Variants in GPA33 observed in about 807,000 individuals in gnomAD.
GPA33 encodes cell surface A33 antigen.
GPA33 carries 27 observed loss-of-function variants against 35.6 expected under a neutral mutation model. That is an observed-to-expected ratio of 0.76 (90% CI 0.56 to 1.04). The LOEUF is 1.04. Ranked by LOEUF, GPA33 falls within the 50% of genes least tolerant of loss-of-function variation. GPA33 has a pLI of 0.00. For missense variants in GPA33, 428 were observed against 411.9 expected (o/e 1.04, Z -0.34); for synonymous variants, 176 against 164.0 (o/e 1.07, Z -0.56).
At chr1:167,061,338 G>T (rs1666434829) in intron 4 of GPA33, among the ~76,000 whole-genome samples, 1 of 152,186 alleles carries the variant, frequency 6.6e-6, no homozygotes, top group African/African-American at 2.4e-5. Flanking sequence ...TTGCAGGAAA[G>T]AAGATCAGAC....
rs764107680 is a variant in GPA33 at position 167,073,512 on chromosome 1, A to G, written c.71T>C (p.Val24Ala). The G allele has an allele frequency of 3.7e-6, 6 of 1,613,832 alleles. No individual in the cohort carries two copies. The highest frequency in any genetic ancestry group is 1.7e-4 in the Middle Eastern group (1 of 6,060). The change falls in exon 2 of 7, where the codon GTG (valine) becomes GCG (alanine). Residue 24 changes from valine to alanine, a missense_variant. Coordinates refer to ENST00000367868, the MANE Select transcript of GPA33 (RefSeq NM_005814.3). Reference protein sequence around the residue: ...AVRVTVDAISVETPQDVLRAS... With the variant: ...AVRVTVDAISAETPQDVLRAS... ...CCGAAGAACGTCCTGCGGAGTTTCC[A>G]CAGAGATGGCATCGACGGTCACCCT... is the stretch of plus-strand genomic sequence containing the variant.
intron 3 of GPA33, among the ~76,000 whole-genome samples, chr1:167,064,310 A>C (rs543319188): frequency 8.4e-6 from 1 of 119,710 alleles, no homozygotes; most frequent in Admixed American, 9.3e-5. Flanking sequence ...AGAAAAAAAG[A>C]AAAAGAAAGA....
intron 1 of GPA33, chr1:167,082,342 A>C (rs1015844852): frequency 1.3e-5 from 6 of 455,430 alleles, no homozygotes; most frequent in African/African-American, 2.0e-5. Flanking sequence ...TCTTTTAACA[A>C]TAAAGCCAAC....
intron 1 of GPA33, among the ~76,000 whole-genome samples, chr1:167,073,857 C>G (rs994899208): frequency 9.9e-5 from 15 of 152,056 alleles, no homozygotes; most frequent in Non-Finnish European, 2.9e-5. Flanking sequence ...AATAGGAGCT[C>G]TAATACTTAT....
At chr1:167,080,032 C>T (rs1162322579) in intron 1 of GPA33, among the ~76,000 whole-genome samples, 1 of 152,152 alleles carries the variant, frequency 6.6e-6, no homozygotes, top group Non-Finnish European at 1.5e-5. Flanking sequence ...TTCCAGCTAC[C>T]TCACTTTCCG....
At chr1:167,077,004 A>G (rs1666834909) in intron 1 of GPA33, among the ~76,000 whole-genome samples, 1 of 152,112 alleles carries the variant, frequency 6.6e-6, no homozygotes, top group Non-Finnish European at 1.5e-5. Flanking sequence ...TCAGGAGTTC[A>G]AGACCAGCCT....
intron 4 of GPA33, among the ~76,000 whole-genome samples, chr1:167,056,652 T>TATGGTATGTGAGGG (rs1666274693): frequency 6.1e-5 from 4 of 65,378 alleles, no homozygotes; most frequent in East Asian, 4.7e-4. Flanking sequence ...GTGTGTAGTG[T>TATGGTATGTGAGGG]GTGTGGTACG....
At position 167,053,928 on chromosome 1, in the gene GPA33, C is replaced by T; in HGVS notation, c.*406G>A. 5.3e-6 allele frequency: 1 copy of T among 187,116 alleles called. No homozygotes were observed. Among genetic ancestry groups the T allele is most frequent in the Non-Finnish European group, 1.1e-5 (1 of 91,228 alleles). 11.6% of individuals were successfully genotyped at this position (187,116 alleles called of 1,614,324 possible). A position where few individuals can be genotyped will look rare whatever the true frequency, so the allele number is the denominator to read the frequency against. ...CCTCCACCTGGTGCCCCTCCAGGTGCTGGGCACACAGGTGAGCAGGACAGC... is the reference window on the plus strand; with the variant it reads ...CCTCCACCTGGTGCCCCTCCAGGTGTTGGGCACACAGGTGAGCAGGACAGC... On this transcript the variant is annotated 3_prime_UTR_variant, in exon 7 of 7. Transcript: ENST00000367868.
intron 1 of GPA33, among the ~76,000 whole-genome samples, chr1:167,086,749 G>T (rs187376188): frequency 1.3e-5 from 2 of 152,128 alleles, no homozygotes; most frequent in East Asian, 1.9e-4. Context: ...TTTTTTATAT[G>T]GGGGGAGAAA....
intron 1 of GPA33, among the ~76,000 whole-genome samples, chr1:167,086,860 C>G (rs997712833): frequency 2.6e-5 from 4 of 151,056 alleles, no homozygotes; most frequent in African/African-American, 9.8e-5. Flanking sequence ...GAAGCTTCCT[C>G]TCATTCTAGG....
At position 167,054,098 on chromosome 1, in the gene GPA33, C is replaced by G. The variant is rs1666174824; in HGVS notation, c.*236G>C. On this transcript the variant is annotated 3_prime_UTR_variant, in exon 7 of 7. Coordinates refer to ENST00000367868, the MANE Select transcript of GPA33 (RefSeq NM_005814.3). ...GTCTTGAGTGAGGGCCAGGCCCGCACCAGGTGTCACAGCCAGGAGGGGTTA... is the reference window on the plus strand; with the variant it reads ...GTCTTGAGTGAGGGCCAGGCCCGCAGCAGGTGTCACAGCCAGGAGGGGTTA... The G allele has an allele frequency of 5.4e-6, 3 of 556,400 alleles. No homozygotes were observed. Among genetic ancestry groups the G allele is most frequent in the Non-Finnish European group, 9.6e-6 (3 of 314,028 alleles). 34.5% of individuals were successfully genotyped at this position (556,400 alleles called of 1,614,324 possible).
intron 4 of GPA33, among the ~76,000 whole-genome samples, chr1:167,063,175 C>A (rs1221182730): frequency 6.6e-6 from 1 of 152,212 alleles, no homozygotes; most frequent in East Asian, 1.9e-4. Context: ...CGCCTGTAAT[C>A]CCAGCACTTT....
Position 167,053,964 on chromosome 1 carries a change from C to G in GPA33, c.*370G>C. 4.0e-6 allele frequency: 1 copy of G among 247,206 alleles called. No individual in the cohort carries two copies. Among genetic ancestry groups the G allele is most frequent in the Non-Finnish European group, 7.8e-6 (1 of 128,068 alleles). 15.3% of individuals were successfully genotyped at this position (247,206 alleles called of 1,614,324 possible). On this transcript the variant is annotated 3_prime_UTR_variant, in exon 7 of 7. Transcript: ENST00000367868. ...GGTGAGCAGGACAGCCCCCACCCCC[C>G]AAGGCTGGCATCGCCTCCCTGGAGA...
In GPA33 at chr1:167,086,353, G is replaced by A. The variant is rs140610814; in HGVS notation, c.43+3892C>T. Among the ~76,000 whole-genome samples, 65 of 152,326 alleles carry A rather than the reference G, an allele frequency of 4.3e-4. 1 individual carries two copies. The East Asian group carries it at 9.8e-3, about 23-fold the overall frequency. On this transcript the variant is annotated intron_variant, in intron 1 of 6. Coordinates refer to ENST00000367868, the MANE Select transcript of GPA33 (RefSeq NM_005814.3). Reference sequence around the variant, plus strand: ...TGCATTTGCGGGCTGACACCACCCCGGCTCTGGCCCAAATACTACCCTCTT... The same window carrying A: ...TGCATTTGCGGGCTGACACCACCCCAGCTCTGGCCCAAATACTACCCTCTT...
At chr1:167,054,918 G>C in intron 6 of GPA33, 58 bp downstream of exon 6, 1 of 1,591,068 alleles carries the variant, frequency 6.3e-7, no homozygotes, top group Non-Finnish European at 8.6e-7. Flanking sequence ...GAGGAATTGG[G>C]AAGCATATTT....
In GPA33 at chr1:167,069,016, C is replaced by G; in HGVS notation, c.321G>C (p.Leu107=). The change falls in exon 3 of 7, where the codon CTG becomes CTC. Residue 107 remains leucine (L), a synonymous_variant. Transcript: ENST00000367868. ...CGTAGGTGCCGTTGTCAGCCATGGT[C>G]AGCTGATCAATGGTGATGGAGGCAT... ...QSDASITIDQ[L]TMADNGTYEC... 1 of 1,614,006 alleles carries G rather than the reference C, an allele frequency of 6.2e-7. No individual in the cohort carries two copies.
chr1:167,080,009 C>T (rs1403542369), intron 1 of GPA33, among the ~76,000 whole-genome samples: 1 of 152,182 alleles, frequency 6.6e-6, no homozygotes, highest in African/African-American at 2.4e-5. Flanking sequence ...AAGTGAAGCT[C>T]ATTTTTAGAG....
At chr1:167,084,854 A>T (rs1667019381) in intron 1 of GPA33, among the ~76,000 whole-genome samples, 1 of 152,208 alleles carries the variant, frequency 6.6e-6, no homozygotes, top group Admixed American at 6.5e-5. Context: ...AAGTCACTAA[A>T]TGTTGGAGTG....
intron 1 of GPA33, among the ~76,000 whole-genome samples, chr1:167,087,644 C>A (rs1158959176): frequency 6.6e-6 from 1 of 152,094 alleles, no homozygotes; most frequent in South Asian, 2.1e-4. Context: ...AGCAGACCAA[C>A]GGTGGCTCAC....
Sources: gnomAD v4.1 joint callset for allele counts (sites outside exome capture counted in the v4.1 genomes callset) on GRCh38, gnomAD v4.1.1 for gene constraint, MANE v1.5 for transcripts, NCBI Gene and HGNC (gene_info 2026-07-23, HGNC 2026-07-21) for gene names.